Variants in CMSS1 observed in about 807,000 individuals in gnomAD.
CMSS1 encodes the protein protein CMSS1.
A neutral mutation model predicts 43.5 loss-of-function variants in CMSS1; 33 were observed. The ratio of observed to expected loss-of-function variants is 0.76; its 90% CI spans 0.57 to 1.01. The LOEUF (loss-of-function observed/expected upper bound fraction) is 1.01. CMSS1 is among the 50% of genes least tolerant of loss of function. The pLI is 0.00. For missense variants in CMSS1, 313 were observed against 326.4 expected (o/e 0.96, Z 0.32); for synonymous variants, 115 against 117.2 (o/e 0.98, Z 0.12).
intron 1 of CMSS1, among the ~76,000 whole-genome samples, chr3:100,006,059 G>A (rs1414473465): frequency 6.6e-6 from 1 of 152,150 alleles, no homozygotes; most frequent in Admixed American, 6.5e-5. Context: ...GAGGTTTCTG[G>A]AAAGCCCTAA....
intron 1 of CMSS1, chr3:99,850,724 T>G (rs755320859): frequency 3.1e-6 from 5 of 1,614,232 alleles, no homozygotes; most frequent in Non-Finnish European, 3.4e-6. Flanking sequence ...CGATTTTGAC[T>G]GTCCTCATTG....
chr3:99,838,252 C>T (rs751588155), intron 1 of CMSS1, among the ~76,000 whole-genome samples: 157 of 152,308 alleles, frequency 1.0e-3, no homozygotes, highest in African/African-American at 3.5e-3. Context: ...CAGTCTTCCC[C>T]GTGCCTGCCC....
chr3:100,176,597 G>T (rs910777012), intron 9 of CMSS1, among the ~76,000 whole-genome samples, 182 bp downstream of exon 9: 8 of 152,122 alleles, frequency 5.3e-5, no homozygotes, highest in Admixed American at 6.5e-5. Context: ...ACACATAATT[G>T]TATCCTTTCC....
At chr3:99,931,038 G>A in intron 1 of CMSS1, 1 of 1,607,600 alleles carries the variant, frequency 6.2e-7, no homozygotes, top group Non-Finnish European at 8.5e-7. Context: ...AGCCTGGAAG[G>A]AGGGAAGAAA....
intron 1 of CMSS1, among the ~76,000 whole-genome samples, chr3:100,124,378 AT>A (rs1559765137): frequency 2.0e-5 from 3 of 152,234 alleles, no homozygotes; most frequent in African/African-American, 2.4e-5. Context: ...GTTTCTGACC[AT>A]TCAACTGCAC....
intron 1 of CMSS1, among the ~76,000 whole-genome samples, chr3:99,821,072 T>G (rs1942429516): frequency 6.6e-6 from 1 of 152,210 alleles, no homozygotes; most frequent in Non-Finnish European, 1.5e-5. Flanking sequence ...CCTATCTGTT[T>G]GTTGTCTGTC....
intron 1 of CMSS1, among the ~76,000 whole-genome samples, chr3:100,056,209 G>A (rs2065461341): frequency 6.6e-6 from 1 of 152,110 alleles, no homozygotes; most frequent in Admixed American, 6.5e-5. Flanking sequence ...ACCAGCTGAG[G>A]GTGTGGCAAG....
intron 1 of CMSS1, among the ~76,000 whole-genome samples, chr3:99,923,267 T>C (rs1707181519): frequency 6.6e-6 from 1 of 152,176 alleles, no homozygotes; most frequent in African/African-American, 2.4e-5. Context: ...TACAGACCTA[T>C]ATTTCTGACC....
rs184506234 is a variant in CMSS1 at position 99,972,432 on chromosome 3, G to A, written c.64+154389G>A. Among the ~76,000 whole-genome samples, 265 of 152,240 alleles carry A rather than the reference G, an allele frequency of 1.7e-3. 2 individuals are homozygous for A. Among genetic ancestry groups the A allele is most frequent in the Middle Eastern group, 6.8e-3 (2 of 294 alleles). On this transcript the variant is annotated intron_variant, in intron 1 of 9. Coordinates refer to ENST00000421999, the MANE Select transcript of CMSS1 (RefSeq NM_032359.4). ...TCTGTCTTGCAGCAGCATCGGAAAC[G>A]TCCCCGTCCCCATTTGAGTAAGTGC...
chr3:100,084,622 A>C (rs2065979678), intron 1 of CMSS1, among the ~76,000 whole-genome samples: 1 of 152,240 alleles, frequency 6.6e-6, no homozygotes, highest in South Asian at 2.1e-4. Flanking sequence ...ATGTGGTTTT[A>C]CTATGTCTAT....
At chr3:100,058,763 A>G (rs768691903) in intron 1 of CMSS1, among the ~76,000 whole-genome samples, 3 of 152,372 alleles carry the variant, frequency 2.0e-5, no homozygotes, top group South Asian at 4.1e-4. Flanking sequence ...AGGACGCTGT[A>G]TAACCTCCTT....
chr3:99,919,299 A>G (rs570681245), intron 1 of CMSS1, among the ~76,000 whole-genome samples: 1 of 151,578 alleles, frequency 6.6e-6, no homozygotes, highest in Non-Finnish European at 1.5e-5. Context: ...TGAACTCATA[A>G]TGCCTTAGAA....
At chr3:100,017,158 A>T (rs1413573563) in intron 1 of CMSS1, among the ~76,000 whole-genome samples, 1 of 152,244 alleles carries the variant, frequency 6.6e-6, no homozygotes, top group East Asian at 1.9e-4. Flanking sequence ...ATCAGAATTT[A>T]TAAAATATCT....
chr3:99,901,302 C>T (rs1360458854), intron 1 of CMSS1, among the ~76,000 whole-genome samples: 1 of 152,162 alleles, frequency 6.6e-6, no homozygotes, highest in Non-Finnish European at 1.5e-5. Context: ...CTTTACTAAA[C>T]TGTTTAGGAA....
In CMSS1 at chr3:100,178,755, C is replaced by T. The variant is rs372744339; in HGVS notation, c.*367C>T. On this transcript the variant is annotated 3_prime_UTR_variant, in exon 10 of 10. Transcript: ENST00000421999. Reference sequence around the variant, plus strand: ...ATCAACTCAAAGTGGGAATGTCTCACAGCATTGTTGAGGATTCCAGGAGAT... The same window carrying T: ...ATCAACTCAAAGTGGGAATGTCTCATAGCATTGTTGAGGATTCCAGGAGAT... 78 of 182,002 alleles carry T rather than the reference C, an allele frequency of 4.3e-4. No homozygotes were observed. Among genetic ancestry groups the T allele is most frequent in the African/African-American group, 1.5e-3 (62 of 42,562 alleles). The allele number at this position is 182,002 out of a possible 1,614,324, so 11.3% of individuals were successfully genotyped here.
intron 1 of CMSS1, among the ~76,000 whole-genome samples, chr3:100,050,689 C>G (rs2065356515): frequency 6.6e-6 from 1 of 152,122 alleles, no homozygotes; most frequent in Admixed American, 6.5e-5. Flanking sequence ...CGCCACCTTG[C>G]CTGGCTAATT....
At chr3:100,083,456 A>G (rs568377189) in intron 1 of CMSS1, among the ~76,000 whole-genome samples, 39 of 152,312 alleles carry the variant, frequency 2.6e-4, no homozygotes, top group African/African-American at 9.1e-4. Context: ...AGTGATCTGT[A>G]TTTTAGCAAG....
intron 1 of CMSS1, among the ~76,000 whole-genome samples, chr3:99,903,162 G>T (rs1706492457): frequency 6.6e-6 from 1 of 152,050 alleles, no homozygotes; most frequent in African/African-American, 2.4e-5. Context: ...TTGTTATGAG[G>T]ATTAAAGTTT....
At chr3:99,849,233 G>A (rs200968958) in intron 1 of CMSS1, 1 of 1,614,036 alleles carries the variant, frequency 6.2e-7, no homozygotes, top group African/African-American at 1.3e-5. Flanking sequence ...AGAGGAATGA[G>A]GCTCTTGTAA....
Sources: allele counts gnomAD v4.1 joint callset (sites outside exome capture counted in the v4.1 genomes callset), GRCh38; gene constraint gnomAD v4.1.1; transcripts MANE v1.5; gene names NCBI Gene and HGNC (gene_info 2026-07-23, HGNC 2026-07-21).